ZFPM2: variants seen among roughly 807,000 people sequenced by gnomAD.
ZFPM2 encodes the protein zinc finger protein ZFPM2.
In ZFPM2, 20 loss-of-function variants were observed where a neutral mutation model predicts 98.6. The observed-to-expected ratio is 0.20, with a 90% confidence interval of 0.14 to 0.29. ZFPM2 has a LOEUF of 0.29. Ranked by LOEUF, ZFPM2 falls within the 10% of genes least tolerant of loss-of-function variation. The pLI, the probability that ZFPM2 is intolerant of heterozygous loss-of-function variation, is 1.00. For synonymous variants in ZFPM2, 518 were observed against 502.7 expected (o/e 1.03, Z -0.41); for missense variants, 1,310 against 1,388.6 (o/e 0.94, Z 0.90).
intron 3 of ZFPM2, among the ~76,000 whole-genome samples, chr8:105,552,619 A>G (rs1449856852): frequency 2.0e-5 from 3 of 151,590 alleles, no homozygotes; most frequent in African/African-American, 4.9e-5. Context: ...CCAGGTGAAT[A>G]TTTTCAGACA....
chr8:105,798,908 A>G lies in ZFPM2; in HGVS notation c.924A>G (p.Ser308=). ...CPFPQCTKSF[S]NARALEMHLN... is the part of the protein sequence containing the mutation. ...TCCCACAGTGCACCAAGAGCTTTTCAAATGCTCGAGCTCTAGAAATGCACC... is the reference window on the plus strand; with the variant it reads ...TCCCACAGTGCACCAAGAGCTTTTCGAATGCTCGAGCTCTAGAAATGCACC... Residue 308 remains serine, a synonymous_variant, in exon 7 of 8, where the codon TCA becomes TCG. Coordinates refer to ENST00000407775, the MANE Select transcript of ZFPM2 (RefSeq NM_012082.4). The G allele has an allele frequency of 1.2e-6, 2 of 1,613,968 alleles. No individual in the cohort carries two copies. The highest frequency in any genetic ancestry group is 1.7e-6 in the Non-Finnish European group (2 of 1,179,854).
At chr8:105,373,916 A>G (rs1480732093) in intron 1 of ZFPM2, among the ~76,000 whole-genome samples, 1 of 152,180 alleles carries the variant, frequency 6.6e-6, no homozygotes, top group Non-Finnish European at 1.5e-5. Flanking sequence ...CTTTGATCCA[A>G]TCACTGGAAT....
chr8:105,529,657 A>C (rs961714977), intron 3 of ZFPM2, among the ~76,000 whole-genome samples: 11 of 151,842 alleles, frequency 7.2e-5, no homozygotes, highest in Non-Finnish European at 1.5e-4. Context: ...TTAGGAAGAA[A>C]TCATCCACCA....
chr8:105,453,872 G>A (rs115280879), intron 3 of ZFPM2, among the ~76,000 whole-genome samples: 2,438 of 151,950 alleles, frequency 0.016, 59 homozygotes, highest in African/African-American at 0.056. Context: ...TGATCCACCC[G>A]CCTCAGCCTC....
chr8:105,477,162 A>G (rs16873142), intron 3 of ZFPM2, among the ~76,000 whole-genome samples: 6,044 of 151,858 alleles, frequency 0.04, 170 homozygotes, highest in Non-Finnish European at 0.062. Flanking sequence ...AGAATTTTGG[A>G]AATTGGTTGA....
intron 4 of ZFPM2, among the ~76,000 whole-genome samples, chr8:105,564,031 A>C (rs1202631554): frequency 6.6e-6 from 1 of 152,140 alleles, no homozygotes; most frequent in Non-Finnish European, 1.5e-5. Flanking sequence ...CGTGATGGAT[A>C]GAAGATAAAC....
intron 5 of ZFPM2, among the ~76,000 whole-genome samples, chr8:105,740,754 C>T (rs980973643): frequency 2.0e-5 from 3 of 151,622 alleles, no homozygotes; most frequent in African/African-American, 7.3e-5. Context: ...AACCTGCTTC[C>T]CATAGGAGTT....
At chr8:105,675,007 C>T (rs577322752) in intron 5 of ZFPM2, among the ~76,000 whole-genome samples, 1 of 152,216 alleles carries the variant, frequency 6.6e-6, no homozygotes, top group East Asian at 1.9e-4. Flanking sequence ...CTTGACAAAA[C>T]CCTCAGATGA....
chr8:105,718,121 T>C (rs1749714658), intron 5 of ZFPM2, among the ~76,000 whole-genome samples: 1 of 151,926 alleles, frequency 6.6e-6, no homozygotes, highest in Non-Finnish European at 1.5e-5. Flanking sequence ...GTCATGTTAT[T>C]ATGCAGTCAT....
At chr8:105,752,341 T>TCCGTC (rs1182152433) in intron 5 of ZFPM2, among the ~76,000 whole-genome samples, 1 of 152,160 alleles carries the variant, frequency 6.6e-6, no homozygotes, top group Non-Finnish European at 1.5e-5. Flanking sequence ...CAAGAACAGT[T>TCCGTC]GTACATCTGC....
intron 3 of ZFPM2, among the ~76,000 whole-genome samples, chr8:105,506,792 C>A (rs1453106554): frequency 6.6e-6 from 1 of 151,874 alleles, no homozygotes; most frequent in African/African-American, 2.4e-5. Flanking sequence ...TCAAGACCAT[C>A]CTGGCTAACA....
At chr8:105,795,246 T>TTGTGTGTGTGTGTGTGTGTGTGTG (rs780534248) in intron 6 of ZFPM2, among the ~76,000 whole-genome samples, 38 of 138,322 alleles carry the variant, frequency 2.7e-4, no homozygotes, top group Admixed American at 2.5e-3. Context: ...CATTTTATCT[T>TTGTGTGTGTGTGTGTGTGTGTGTG]TGTGTGTGTG....
chr8:105,444,470 A>G (rs1812328018), intron 3 of ZFPM2, 89 bp downstream of exon 3: 3 of 957,854 alleles, frequency 3.1e-6, no homozygotes, highest in South Asian at 3.5e-5. Flanking sequence ...TTAGCTTGCA[A>G]AAAATGTTTT....
chr8:105,534,045 TTCCTCCCTTCCTCCCTC>T (rs1563704401), intron 3 of ZFPM2, among the ~76,000 whole-genome samples: 1 of 36,650 alleles, frequency 2.7e-5, no homozygotes, highest in Non-Finnish European at 5.0e-5. Context: ...CCTCCCTCCC[TTCCTCCCTTCCTCCCTC>T]CCTTCCTTCC....
chr8:105,658,873 A>G (rs1817338373), intron 5 of ZFPM2, among the ~76,000 whole-genome samples: 1 of 152,354 alleles, frequency 6.6e-6, no homozygotes, highest in Non-Finnish European at 1.5e-5. Context: ...CCTGAAAAAT[A>G]TCAGCATTAT....
chr8:105,549,617 T>C lies in ZFPM2; in HGVS notation c.302-11746T>C, dbSNP rs114560904. Among the ~76,000 whole-genome samples the C allele has an allele frequency of 2.9e-3, 422 of 144,978 alleles. 1 individual carries two copies. The highest frequency in any genetic ancestry group is 9.9e-3 in the African/African-American group (385 of 39,012). On this transcript the variant is annotated intron_variant, in intron 3 of 7. Coordinates refer to ENST00000407775, the MANE Select transcript of ZFPM2 (RefSeq NM_012082.4). ...TTCCTCTATCTCTCTCTCTCTCTCT[T>C]TTTTTTTTAATTGAGACAGGGGCTC...
At chr8:105,549,189 T>A (rs1007680433) in intron 3 of ZFPM2, among the ~76,000 whole-genome samples, 1 of 152,014 alleles carries the variant, frequency 6.6e-6, no homozygotes, top group East Asian at 1.9e-4. Context: ...TACTCTATAT[T>A]CATGTTGGAA....
At chr8:105,590,458 C>T (rs1354992640) in intron 4 of ZFPM2, among the ~76,000 whole-genome samples, 1 of 152,146 alleles carries the variant, frequency 6.6e-6, no homozygotes, top group Non-Finnish European at 1.5e-5. Flanking sequence ...TGTGTTAAGC[C>T]ACACACATAT....
chr8:105,559,747 A>G (rs1563719439), intron 3 of ZFPM2, among the ~76,000 whole-genome samples: 1 of 152,170 alleles, frequency 6.6e-6, no homozygotes, highest in Non-Finnish European at 1.5e-5. Context: ...AAATAGAGAA[A>G]TAAAGAAGAG....
Sources: allele counts gnomAD v4.1 joint callset (sites outside exome capture counted in the v4.1 genomes callset), GRCh38; gene constraint gnomAD v4.1.1; transcripts MANE v1.5; gene names NCBI Gene and HGNC (gene_info 2026-07-23, HGNC 2026-07-21).